Variants in TTC28 observed in about 807,000 individuals in gnomAD.
TTC28 encodes tetratricopeptide repeat domain 28.
Under a neutral mutation model 198.0 loss-of-function variants are expected in TTC28, and 61 were observed. That is an observed-to-expected ratio of 0.31 (90% CI 0.25 to 0.38). TTC28 has a LOEUF of 0.38. TTC28 is among the 10% of genes least tolerant of loss of function. The pLI, the probability that TTC28 is intolerant of heterozygous loss-of-function variation, is 1.00. For synonymous variants in TTC28, 1,171 were observed against 1,297.8 expected (o/e 0.90, Z 2.10); for missense variants, 2,678 against 3,164.0 (o/e 0.85, Z 3.69).
chr22:28,533,393 T>G lies in TTC28; in HGVS notation c.381+96159A>C, dbSNP rs114603180. Among the ~76,000 whole-genome samples the G allele has an allele frequency of 7.8e-3, 1,188 of 152,196 alleles. 22 individuals are homozygous for G. Among genetic ancestry groups the G allele is most frequent in the African/African-American group, 0.026 (1,099 of 41,520 alleles). On this transcript the variant is annotated intron_variant, in intron 2 of 22. Coordinates refer to ENST00000397906, the MANE Select transcript of TTC28 (RefSeq NM_001145418.2). ...TTCAAGGAGAACTACAAATGACCAC[T>G]CAATGAAATAAAAGAGGACACAAAC...
rs74277569 is a variant in TTC28 at position 28,219,215 on chromosome 22, A to T, written c.934-55616T>A. ...ACTTAACAAAAATAAAGAAAAAAAA[A>T]ATACCCACTTCGTCTGGGCGTGGTG... On this transcript the variant is annotated intron_variant, in intron 5 of 22. Coordinates refer to ENST00000397906, the MANE Select transcript of TTC28 (RefSeq NM_001145418.2). Among the ~76,000 whole-genome samples, 129 of 152,236 alleles carry T rather than the reference A, an allele frequency of 8.5e-4. 2 individuals carry two copies. In the East Asian group the frequency reaches 0.023, roughly 27 times the overall value.
chr22:28,496,857 C>G (rs1043495015), intron 2 of TTC28, among the ~76,000 whole-genome samples: 36 of 152,144 alleles, frequency 2.4e-4, no homozygotes, highest in Admixed American at 2.2e-3. Context: ...CAGTCTAACC[C>G]TTGGTCCTCC....
intron 6 of TTC28, among the ~76,000 whole-genome samples, chr22:28,156,705 T>A (rs1407025834): frequency 6.6e-6 from 1 of 152,196 alleles, no homozygotes; most frequent in South Asian, 2.1e-4. Flanking sequence ...AAAGTGATGC[T>A]CAGGCAGGAA....
intron 6 of TTC28, among the ~76,000 whole-genome samples, chr22:28,142,772 T>C (rs1368105132): frequency 6.6e-6 from 1 of 152,176 alleles, no homozygotes; most frequent in Non-Finnish European, 1.5e-5. Flanking sequence ...TCAAAAATGA[T>C]AATGTAACAA....
At chr22:28,549,197 T>A (rs2049608158) in intron 2 of TTC28, among the ~76,000 whole-genome samples, 1 of 151,990 alleles carries the variant, frequency 6.6e-6, no homozygotes, top group African/African-American at 2.4e-5. Context: ...CCAGCTAATT[T>A]TTTTTATTGT....
At chr22:27,983,987 C>G in intron 22 of TTC28, 136 bp from the exon 23 acceptor site, 1 of 978,866 alleles carries the variant, frequency 1.0e-6, no homozygotes, top group Non-Finnish European at 1.5e-6. Context: ...ATTAATCTTA[C>G]AATCCTCAAA....
chr22:28,319,848 T>C (rs1380178736), intron 2 of TTC28, among the ~76,000 whole-genome samples: 2 of 152,230 alleles, frequency 1.3e-5, no homozygotes, highest in East Asian at 1.9e-4. Flanking sequence ...TTCATCTGCC[T>C]GAAGAAGCCT....
At chr22:28,348,378 AC>A (rs899078214) in intron 2 of TTC28, among the ~76,000 whole-genome samples, 19 of 152,330 alleles carry the variant, frequency 1.2e-4, no homozygotes, top group African/African-American at 4.6e-4. Context: ...CTCAGAGGGT[AC>A]TATGTGCAAG....
At chr22:28,602,384 C>T (rs549796883) in intron 2 of TTC28, among the ~76,000 whole-genome samples, 1 of 152,062 alleles carries the variant, frequency 6.6e-6, no homozygotes, top group Non-Finnish European at 1.5e-5. Context: ...ATTCAAATTT[C>T]AAGGGGGTCT....
chr22:28,489,896 A>T (rs1486030418), intron 2 of TTC28, among the ~76,000 whole-genome samples: 2 of 152,194 alleles, frequency 1.3e-5, no homozygotes, highest in Admixed American at 1.3e-4. Flanking sequence ...GTATTAACTC[A>T]CTTGATCACA....
At position 28,163,793 on chromosome 22, in the gene TTC28, G is replaced by A. The variant is rs188763276; in HGVS notation, c.934-194C>T. ...GAGGTACCGGGTTCATCTCACTGGG[G>A]AGTGCCGGACAGTGGGTGCAGCGCA... On this transcript the variant is annotated intron_variant, in intron 5 of 22. Coordinates refer to ENST00000397906, the MANE Select transcript of TTC28 (RefSeq NM_001145418.2). Among the ~76,000 whole-genome samples the A allele has an allele frequency of 1.2e-4, 18 of 152,334 alleles. No individual in the cohort carries two copies. In the East Asian group the frequency reaches 3.5e-3, roughly 29 times the overall value.
At chr22:28,611,041 C>T (rs1411343998) in intron 2 of TTC28, among the ~76,000 whole-genome samples, 2 of 151,966 alleles carry the variant, frequency 1.3e-5, no homozygotes, top group African/African-American at 4.8e-5. Flanking sequence ...GGAAAAGGAA[C>T]GAACAAAGCC....
chr22:28,529,542 AG>A (rs1196995000), intron 2 of TTC28, among the ~76,000 whole-genome samples: 2 of 152,202 alleles, frequency 1.3e-5, no homozygotes, highest in African/African-American at 4.8e-5. Flanking sequence ...CCTGTCTGAC[AG>A]CTTTGAAGAG....
At chr22:28,588,697 C>A (rs1178850327) in intron 2 of TTC28, among the ~76,000 whole-genome samples, 1 of 152,218 alleles carries the variant, frequency 6.6e-6, no homozygotes, top group African/African-American at 2.4e-5. Context: ...CAACTTCTGG[C>A]TTTGGAAGGG....
At chr22:28,205,495 A>C (rs764925865) in intron 5 of TTC28, among the ~76,000 whole-genome samples, 2 of 152,096 alleles carry the variant, frequency 1.3e-5, no homozygotes, top group Non-Finnish European at 2.9e-5. Flanking sequence ...ATGAAATTTT[A>C]ATAAAATGAC....
At chr22:28,410,894 T>C (rs1265984132) in intron 2 of TTC28, among the ~76,000 whole-genome samples, 1 of 152,218 alleles carries the variant, frequency 6.6e-6, no homozygotes, top group East Asian at 1.9e-4. Context: ...ATTCCATCTT[T>C]AATGATGTAA....
At chr22:28,483,461 C>T (rs1451922692) in intron 2 of TTC28, among the ~76,000 whole-genome samples, 1 of 151,890 alleles carries the variant, frequency 6.6e-6, no homozygotes, top group Non-Finnish European at 1.5e-5. Context: ...TTTAATGAAA[C>T]ATTATTTCTT....
intron 5 of TTC28, among the ~76,000 whole-genome samples, chr22:28,217,483 A>G (rs1247629875): frequency 1.3e-5 from 2 of 152,206 alleles, no homozygotes; most frequent in Non-Finnish European, 2.9e-5. Context: ...TAATCTCCTA[A>G]TATCAGGAAA....
rs913072616 is a variant in TTC28 at position 27,979,612 on chromosome 22, C to T, written c.*2609G>A. 4 of 152,088 alleles carry T rather than the reference C, an allele frequency of 2.6e-5. No homozygotes were observed. The highest frequency in any genetic ancestry group is 7.2e-5 in the African/African-American group (3 of 41,418). The allele number at this position is 152,088 out of a possible 1,614,324, so 9.4% of individuals were successfully genotyped here. A position where few individuals can be genotyped will look rare whatever the true frequency, so the allele number is the denominator to read the frequency against. Reference sequence around the variant, plus strand: ...AGCTCATGGCTGTGAAAAACCAGACCGCTGACCAGTCTTAGCCTGTGGGTC... The same window carrying T: ...AGCTCATGGCTGTGAAAAACCAGACTGCTGACCAGTCTTAGCCTGTGGGTC... On this transcript the variant is annotated 3_prime_UTR_variant, in exon 23 of 23. Transcript: ENST00000397906.
Sources: gnomAD v4.1 joint callset for allele counts (sites outside exome capture counted in the v4.1 genomes callset) on GRCh38, gnomAD v4.1.1 for gene constraint, MANE v1.5 for transcripts, NCBI Gene and HGNC (gene_info 2026-07-23, HGNC 2026-07-21) for gene names.